The following OTULINL variants were observed in gnomAD, a reference collection of about 807,000 sequenced individuals.
OTULINL encodes the protein inactive ubiquitin thioesterase OTULINL.
OTULINL carries 42 observed loss-of-function variants against 43.9 expected under a neutral mutation model. That is an observed-to-expected ratio of 0.96 (90% CI 0.75 to 1.24). The LOEUF is 1.24. OTULINL is among the 50% of genes most tolerant of loss of function. The pLI, the probability that OTULINL is intolerant of heterozygous loss-of-function variation, is 0.00. For synonymous variants in OTULINL, 172 were observed against 153.6 expected (o/e 1.12, Z -0.88); for missense variants, 411 against 426.4 (o/e 0.96, Z 0.32).
rs1025453414 is a variant in OTULINL at position 14,611,263 on chromosome 5, G to A, written c.*949G>A. 4 of 152,248 alleles carry A rather than the reference G, an allele frequency of 2.6e-5. No homozygotes were observed. The highest frequency in any genetic ancestry group is 4.4e-5 in the Non-Finnish European group (3 of 68,054). 9.4% of individuals were successfully genotyped at this position (152,248 alleles called of 1,614,324 possible). A position where few individuals can be genotyped will look rare whatever the true frequency, so the allele number is the denominator to read the frequency against. On this transcript the variant is annotated 3_prime_UTR_variant, in exon 8 of 8. Transcript: ENST00000274217. The stretch of plus-strand genomic sequence containing the variant: ...ATGCTAATCCAATGATGCTGAAATA[G>A]GGAGATTTTTCTAGATTCTCCAGGT...
chr5:14,607,398 G>C lies in OTULINL; in HGVS notation c.567G>C (p.Lys189Asn), dbSNP rs990641617. ...WIQQYSFGPE[K>N]YTGSNVFGKL... is the part of the protein sequence containing the mutation. ...AGCAGTACAGTTTTGGTCCTGAGAA[G>C]TATACAGGCTCGAATGTGTTTGGAA... The change falls in exon 6 of 8, where the codon AAG becomes AAC. Residue 189 changes from lysine to asparagine, a missense_variant. Transcript: ENST00000274217. 1 of 1,614,060 alleles carries C rather than the reference G, an allele frequency of 6.2e-7. No individual in the cohort carries two copies. Among genetic ancestry groups the C allele is most frequent in the African/African-American group, 1.3e-5 (1 of 74,934 alleles).
rs1242039931 is a variant in OTULINL, at chr5:14,613,206, G to T, written c.*2892G>T. ...CAAAGTGCTGGGATTACGGGTGTGA[G>T]CCACTGCGCCCGGCCCTAACAATTT... On this transcript the variant is annotated 3_prime_UTR_variant, in exon 8 of 8. Coordinates refer to ENST00000274217, the MANE Select transcript of OTULINL (RefSeq NM_019018.3). Among the ~76,000 whole-genome samples, 1 of 152,208 alleles carries T rather than the reference G, an allele frequency of 6.6e-6. No individual in the cohort carries two copies. Among genetic ancestry groups the T allele is most frequent in the Non-Finnish European group, 1.5e-5 (1 of 68,036 alleles).
rs1460072435 is a variant in OTULINL, at chr5:14,613,776, G to A, written c.*3462G>A. On this transcript the variant is annotated 3_prime_UTR_variant, in exon 8 of 8. Coordinates refer to ENST00000274217, the MANE Select transcript of OTULINL (RefSeq NM_019018.3). ...CTCTCTAGGGGACCGGAGACCTCCAGACTAAGCTGGTGGAGGATGGGCTCA... is the reference window on the plus strand; with the variant it reads ...CTCTCTAGGGGACCGGAGACCTCCAAACTAAGCTGGTGGAGGATGGGCTCA... 2.0e-5 allele frequency among the ~76,000 whole-genome samples: 3 copies of A among 152,176 alleles called. No individual in the cohort carries two copies. The highest frequency in any genetic ancestry group is 4.4e-5 in the Non-Finnish European group (3 of 68,036).
chr5:14,601,223 TA>T lies in OTULINL; in HGVS notation c.236del (p.Tyr79PhefsTer35). The T allele has an allele frequency of 3.1e-6, 5 of 1,612,852 alleles. No individual in the cohort carries two copies. The highest frequency in any genetic ancestry group is 4.2e-6 in the Non-Finnish European group (5 of 1,179,350). ...SGHKLKWWIG[Y>X]LQRKFKRNLS... ...CCTTTTATCTTTCAGGTGGATTGGA[TA>T]TCTGCAGAGAAAATTCAAAAGTAAA... On this transcript the variant is annotated frameshift_variant, in exon 3 of 8. Coordinates refer to ENST00000274217, the MANE Select transcript of OTULINL (RefSeq NM_019018.3). LOFTEE classifies it high-confidence loss of function.
At chr5:14,609,741 C>T (rs1286872205) in intron 7 of OTULINL, among the ~76,000 whole-genome samples, 1 of 151,960 alleles carries the variant, frequency 6.6e-6, no homozygotes, top group African/African-American at 2.4e-5. Context: ...CGCCATTCTC[C>T]TGCCTCAGCC....
intron 1 of OTULINL, among the ~76,000 whole-genome samples, chr5:14,593,724 G>T (rs1038350331): frequency 3.3e-5 from 5 of 152,194 alleles, no homozygotes; most frequent in Admixed American, 3.3e-4. Flanking sequence ...CAAGAGATGT[G>T]CCCGACTCTC....
intron 5 of OTULINL, among the ~76,000 whole-genome samples, chr5:14,606,683 T>G (rs1002901251): frequency 6.6e-6 from 1 of 152,218 alleles, no homozygotes; most frequent in Non-Finnish European, 1.5e-5. Flanking sequence ...TGCATCATTC[T>G]AAAATCCACC....
At chr5:14,598,189 C>T (rs1365968187) in intron 1 of OTULINL, among the ~76,000 whole-genome samples, 6 of 152,258 alleles carry the variant, frequency 3.9e-5, no homozygotes, top group South Asian at 2.1e-4. Flanking sequence ...AGCATGTGTC[C>T]GTGGAGGGGG....
At chr5:14,609,104 T>G (rs1244473314) in intron 7 of OTULINL, 87 bp downstream of exon 7, 49 of 1,386,700 alleles carry the variant, frequency 3.5e-5, no homozygotes, top group Non-Finnish European at 4.6e-5. Flanking sequence ...GACTTTTCAG[T>G]GGTGACATAA....
At chr5:14,590,036 C>T (rs1399903450) in intron 1 of OTULINL, among the ~76,000 whole-genome samples, 1 of 152,178 alleles carries the variant, frequency 6.6e-6, no homozygotes. Flanking sequence ...AAAGTAACCG[C>T]TTACTTTGGC....
chr5:14,582,474 A>G (rs1246354771), intron 1 of OTULINL, among the ~76,000 whole-genome samples: 1 of 151,716 alleles, frequency 6.6e-6, no homozygotes, highest in Non-Finnish European at 1.5e-5. Context: ...CTTGCTAACA[A>G]CACAGAATAC....
At chr5:14,609,515 A>G (rs1016401560) in intron 7 of OTULINL, among the ~76,000 whole-genome samples, 2 of 152,238 alleles carry the variant, frequency 1.3e-5, no homozygotes, top group Non-Finnish European at 1.5e-5. Flanking sequence ...ATAAAATGAT[A>G]TAAAACTGAT....
Position 14,610,191 on chromosome 5 carries a change from C to T in OTULINL, c.948C>T (p.Phe316=), listed in dbSNP as rs145577314. The part of the protein sequence containing the change: ...GYSLEVKIKV[F]RLFKFNSRDF... ...CCCTTGAAGTAAAGATAAAAGTGTT[C>T]AGACTGTTCAAGTTTAACTCCAGAG... is the stretch of plus-strand genomic sequence containing the variant. The change falls in exon 8 of 8, where the codon TTC becomes TTT. Residue 316 remains phenylalanine, a synonymous_variant. Transcript: ENST00000274217. 6.2e-7 allele frequency: 1 copy of T among 1,614,018 alleles called. No individual in the cohort carries two copies. Among genetic ancestry groups the T allele is most frequent in the Non-Finnish European group, 8.5e-7 (1 of 1,179,942 alleles).
chr5:14,594,783 A>G (rs1476844276), intron 1 of OTULINL, among the ~76,000 whole-genome samples: 2 of 152,078 alleles, frequency 1.3e-5, no homozygotes, highest in African/African-American at 4.8e-5. Flanking sequence ...GCAGGGTTCC[A>G]TGGCACAGCT....
At position 14,585,188 on chromosome 5, in the gene OTULINL, GAGCTGCTAGTTACAACTAGC is replaced by G. The variant is rs560146525; in HGVS notation, c.64+3242_64+3261del. Among the ~76,000 whole-genome samples the G allele has an allele frequency of 4.2e-3, 640 of 152,130 alleles. 5 individuals are homozygous for G. Among genetic ancestry groups the G allele is most frequent in the African/African-American group, 0.014 (592 of 41,486 alleles). On this transcript the variant is annotated intron_variant, in intron 1 of 7. Transcript: ENST00000274217. ...TGTGTGCCAAGGAAAAGAGGCCTGA[GAGCTGCTAGTTACAACTAGC>G]AGCTGCTAGTTGTAACTGTCGAGAG...
chr5:14,581,855 C>A lies in OTULINL; in HGVS notation c.-40C>A. 7.2e-7 allele frequency: 1 copy of A among 1,383,194 alleles called. No individual in the cohort carries two copies. Among genetic ancestry groups the A allele is most frequent in the Non-Finnish European group, 9.4e-7 (1 of 1,068,916 alleles). 85.7% of individuals were successfully genotyped at this position (1,383,194 alleles called of 1,614,324 possible). ...TCGCGTCTGACAGACCACTGCAGAC[C>A]ACGGGCCGAGGCCCAGCGCCCGTCC... On this transcript the variant is annotated 5_prime_UTR_variant, in exon 1 of 8. Transcript: ENST00000274217.
intron 1 of OTULINL, among the ~76,000 whole-genome samples, chr5:14,600,687 C>G (rs1287711039): frequency 6.6e-6 from 1 of 152,136 alleles, no homozygotes; most frequent in East Asian, 1.9e-4. Flanking sequence ...GAGTTCAAGT[C>G]TGAGAGATTC....
At chr5:14,607,700 GC>G (rs1759507035) in intron 6 of OTULINL, among the ~76,000 whole-genome samples, 1 of 152,198 alleles carries the variant, frequency 6.6e-6, no homozygotes, top group Non-Finnish European at 1.5e-5. Flanking sequence ...CTATGGGCCG[GC>G]CTTTAAACCT....
At chr5:14,599,049 A>C (rs769369418) in intron 1 of OTULINL, among the ~76,000 whole-genome samples, 7 of 152,268 alleles carry the variant, frequency 4.6e-5, no homozygotes, top group Non-Finnish European at 1.0e-4. Flanking sequence ...ATAGCATTAC[A>C]TTTTTAAGCT....
Sources: gnomAD v4.1 joint callset for allele counts (sites outside exome capture counted in the v4.1 genomes callset) on GRCh38, gnomAD v4.1.1 for gene constraint, MANE v1.5 for transcripts, NCBI Gene and HGNC (gene_info 2026-07-23, HGNC 2026-07-21) for gene names.